The following ZNF544 variants were observed in gnomAD, a reference collection of about 807,000 sequenced individuals.
ZNF544 encodes the protein zinc finger protein AF020591.
In ZNF544, 10 loss-of-function variants were observed where a neutral mutation model predicts 13.5. The observed-to-expected ratio is 0.74, with a 90% CI of 0.46 to 1.25. The LOEUF is 1.25. Ranked by LOEUF, ZNF544 falls within the 50% of genes most tolerant of loss-of-function variation. The probability of loss-of-function intolerance (pLI) is 0.00; values close to 1 mark genes in which losing one functional copy is unlikely to be tolerated. For missense variants in ZNF544, 896 were observed against 845.6 expected (o/e 1.06, Z -0.74); for synonymous variants, 323 against 300.5 (o/e 1.07, Z -0.77).
chr19:58,241,161 A>AATATATATATATATATATATATTTT (rs2043590255), intron 3 of ZNF544, among the ~76,000 whole-genome samples: 1 of 49,720 alleles, frequency 2.0e-5, no homozygotes, highest in Non-Finnish European at 3.7e-5. Context: ...ATATATATTT[A>AATATATATATATATATATATATTTT]AATATATATA....
chr19:58,253,171 AATTTTAAG>A (rs2046592178), intron 6 of ZNF544, among the ~76,000 whole-genome samples: 1 of 152,226 alleles, frequency 6.6e-6, no homozygotes. Context: ...CATCAAAAAC[AATTTTAAG>A]ATTTTAAGTT....
intron 3 of ZNF544, among the ~76,000 whole-genome samples, chr19:58,240,894 C>T (rs1484466556): frequency 6.6e-6 from 1 of 151,534 alleles, no homozygotes; most frequent in Non-Finnish European, 1.5e-5. Context: ...TAGCATTTAC[C>T]TTTTTGGGGT....
chr19:58,268,345 T>C (rs992966612), downstream of ZNF544, among the ~76,000 whole-genome samples: 6 of 152,138 alleles, frequency 3.9e-5, no homozygotes, highest in African/African-American at 1.4e-4. Context: ...TTTGATAAAA[T>C]AGAACAATGA....
At chr19:58,272,163 GA>G (rs5828754) in intron 5 of ZNF544, among the ~76,000 whole-genome samples, 67,981 of 127,870 alleles carry the variant, frequency 0.53, 16,921 homozygotes, top group Middle Eastern at 0.69. Context: ...TCCTTGACAG[GA>G]AAAAAAAAAA....
At chr19:58,242,886 A>G (rs776581479) in intron 3 of ZNF544, among the ~76,000 whole-genome samples, 4 of 151,936 alleles carry the variant, frequency 2.6e-5, no homozygotes, top group Non-Finnish European at 5.9e-5. Flanking sequence ...TTTAGTAGAG[A>G]CGGTTTCACC....
At chr19:58,232,891 G>A (rs977355696) in intron 3 of ZNF544, among the ~76,000 whole-genome samples, 7 of 143,334 alleles carry the variant, frequency 4.9e-5, no homozygotes, top group African/African-American at 1.8e-4. Flanking sequence ...AGCTTGCAGT[G>A]AGCCGAGATC....
downstream of ZNF544, among the ~76,000 whole-genome samples, chr19:58,264,301 C>T (rs2049549802): frequency 6.8e-6 from 1 of 147,738 alleles, no homozygotes; most frequent in Non-Finnish European, 1.5e-5. Context: ...GCAGGAGAAT[C>T]TTGACCTGGG....
Position 58,261,691 on chromosome 19 carries a change from C to G in ZNF544, c.1085C>G (p.Ser362Cys), listed in dbSNP as rs1055120618. 6.2e-7 allele frequency: 1 copy of G among 1,614,208 alleles called. No individual in the cohort carries two copies. Among genetic ancestry groups the G allele is most frequent in the African/African-American group, 1.3e-5 (1 of 75,052 alleles). The change falls in exon 7 of 7, where the codon TCT becomes TGT. Residue 362 changes from serine to cysteine, a missense_variant. Physicochemically the swap from Ser to Cys is moderately radical, Grantham distance 112 (BLOSUM62 -1). Coordinates refer to ENST00000687789, the MANE Select transcript of ZNF544 (RefSeq NM_014480.4). The stretch of plus-strand genomic sequence containing the variant: ...TCTGTGTGTAATCAGTGTGGAAAAT[C>G]TTTCAGCTGTTGTAAGCTCATACAC... ...KPSVCNQCGK[S>C]FSCCKLIHQR...
At chr19:58,245,089 AG>A (rs2044804910) in intron 4 of ZNF544, among the ~76,000 whole-genome samples, 1 of 151,826 alleles carries the variant, frequency 6.6e-6, no homozygotes, top group Admixed American at 6.6e-5. Context: ...CTGGGATTAC[AG>A]GTGCCCGCCA....
At chr19:58,252,725 C>T (rs1214483065) in intron 6 of ZNF544, among the ~76,000 whole-genome samples, 1 of 152,184 alleles carries the variant, frequency 6.6e-6, no homozygotes, top group Non-Finnish European at 1.5e-5. Flanking sequence ...GCAAGAAATC[C>T]TGAACTATTA....
At chr19:58,239,387 A>AG (rs949180474) in intron 3 of ZNF544, among the ~76,000 whole-genome samples, 6 of 26,588 alleles carry the variant, frequency 2.3e-4, no homozygotes, top group Admixed American at 4.5e-4. Flanking sequence ...AAACATGGCC[A>AG]ATGTTCCCGG....
chr19:58,233,223 C>G (rs1293548100), intron 3 of ZNF544, among the ~76,000 whole-genome samples: 1 of 152,070 alleles, frequency 6.6e-6, no homozygotes, highest in Non-Finnish European at 1.5e-5. Context: ...GAGTCCCTCC[C>G]ACAACATGAC....
intron 6 of ZNF544, chr19:58,257,724 A>C (rs920432106): frequency 1.3e-5 from 2 of 152,222 alleles, no homozygotes; most frequent in African/African-American, 4.8e-5. Flanking sequence ...CTCCTGCCTC[A>C]CTGGCAACCA....
downstream of ZNF544, among the ~76,000 whole-genome samples, chr19:58,265,623 T>G (rs1268825592): frequency 2.0e-5 from 3 of 151,526 alleles, no homozygotes; most frequent in Non-Finnish European, 2.9e-5. Flanking sequence ...TGACACAGGC[T>G]GTTGCTCTGT....
intron 5 of ZNF544, 60 bp from the exon 6 acceptor site, chr19:58,246,651 C>G: frequency 6.3e-7 from 1 of 1,584,864 alleles, no homozygotes; most frequent in Non-Finnish European, 8.6e-7. Flanking sequence ...AAGCTTGGAC[C>G]CAGGACATGG....
At chr19:58,273,547 G>A (rs1244677177) in intron 5 of ZNF544, among the ~76,000 whole-genome samples, 4 of 151,768 alleles carry the variant, frequency 2.6e-5, no homozygotes, top group African/African-American at 7.3e-5. Context: ...AAAATTAGCC[G>A]GGCGTGGTGG....
intron 3 of ZNF544, among the ~76,000 whole-genome samples, chr19:58,235,719 A>G (rs948308313): frequency 6.6e-6 from 1 of 152,218 alleles, no homozygotes; most frequent in Non-Finnish European, 1.5e-5. Flanking sequence ...TACAGTTTGT[A>G]TTTGTCAATT....
At chr19:58,257,743 T>C (rs555267044) in intron 6 of ZNF544, 1 of 152,392 alleles carries the variant, frequency 6.6e-6, no homozygotes, top group African/African-American at 2.4e-5. Flanking sequence ...CACTGATCTT[T>C]ATCCTGTCTC....
At chr19:58,268,042 A>G (rs529719205), downstream of ZNF544, among the ~76,000 whole-genome samples, 957 of 151,546 alleles carry the variant, frequency 6.3e-3, 12 homozygotes, top group African/African-American at 0.022. Flanking sequence ...GCTCACGCCT[A>G]TAATCCCAAC....
Sources: gnomAD v4.1 joint callset for allele counts (sites outside exome capture counted in the v4.1 genomes callset) on GRCh38, gnomAD v4.1.1 for gene constraint, MANE v1.5 for transcripts, NCBI Gene and HGNC (gene_info 2026-07-23, HGNC 2026-07-21) for gene names.